COL6A2: variants seen among roughly 807,000 people sequenced by gnomAD.
COL6A2 encodes the protein collagen type VI alpha 2 chain, also known as collagen alpha-2(VI) chain.
Under a neutral mutation model 124.9 loss-of-function variants are expected in COL6A2, and 90 were observed. That is an observed-to-expected ratio of 0.72 (90% confidence interval 0.61 to 0.86). The LOEUF is 0.86. Among genes scored for constraint, COL6A2 ranks in the 40% least tolerant of loss-of-function variants. COL6A2 has a pLI of 0.00. For missense variants in COL6A2, 1,607 were observed against 1,502.5 expected, an observed-to-expected ratio of 1.07 and a Z score of -1.15; for synonymous variants, 793 against 618.2, an observed-to-expected ratio of 1.28 and a Z score of -4.19.
rs773528946 is a variant in COL6A2 at position 46,118,615 on chromosome 21, G to C, written c.1118G>C (p.Gly373Ala). ...GGCTGATTCTGCAAACCCTTCCAGGGGGACCCTGGCCGCCCAGGACGCAGA... is the reference window on the plus strand; with the variant it reads ...GGCTGATTCTGCAAACCCTTCCAGGCGGACCCTGGCCGCCCAGGACGCAGA... ...PGERGDQGGK[G>A]DPGRPGRRGP... The change falls in exon 13 of 28, where the codon GGG becomes GCG. Residue 373 changes from glycine to alanine, a missense_variant and splice_region_variant. Transcript: ENST00000300527. 2.6e-5 allele frequency: 42 copies of C among 1,612,514 alleles called. No homozygotes were observed. Among genetic ancestry groups the C allele is most frequent in the Middle Eastern group, 1.7e-4 (1 of 6,060 alleles).
At chr21:46,113,895 A>G (rs960062716) in intron 4 of COL6A2, 113 bp from the exon 5 acceptor site, 2 of 876,002 alleles carry the variant, frequency 2.3e-6, no homozygotes, top group African/African-American at 1.6e-5. Context: ...AGGGCATTTC[A>G]GCATCTCCTT....
chr21:46,127,873 T>G (rs1435674683), intron 27 of COL6A2, among the ~76,000 whole-genome samples: 1 of 152,066 alleles, frequency 6.6e-6, no homozygotes, highest in Non-Finnish European at 1.5e-5. Flanking sequence ...AGTTGGGAGT[T>G]AGTTAGCCCG....
Position 46,124,884 on chromosome 21 carries a change from G to A in COL6A2, c.1735-1G>A. On this transcript the variant is annotated splice_acceptor_variant, in intron 22 of 27. Coordinates refer to ENST00000300527, the MANE Select transcript of COL6A2 (RefSeq NM_001849.4). LOFTEE classifies it high-confidence loss of function. ...TCTCAGCCTCATCCTTCCTTCCCCA[G>A]GGTGAGCCCGGCCCCCCTGGAGACC... The A allele has an allele frequency of 1.2e-6, 2 of 1,612,896 alleles. No individual in the cohort carries two copies. Among genetic ancestry groups the A allele is most frequent in the Non-Finnish European group, 1.7e-6 (2 of 1,180,000 alleles).
intron 4 of COL6A2, chr21:46,113,783 GAAC>G: frequency 1.6e-6 from 1 of 612,880 alleles, no homozygotes; most frequent in Non-Finnish European, 2.9e-6. Context: ...AACTTGCCTA[GAAC>G]ACCTGACCGA....
At position 46,132,257 on chromosome 21, in the gene COL6A2, T is replaced by C. The variant is rs1294854864; in HGVS notation, c.2765T>C (p.Val922Ala). ...NSFSHVGAGV[V>A]HAINAIVRSP... ...TTCTCGCACGTGGGCGCAGGCGTGG[T>C]GCACGCCATCAATGCCATCGTGCGC... Residue 922 changes from valine (V) to alanine (A), a missense_variant, in exon 28 of 28, where the codon GTG (valine) becomes GCG (alanine). Physicochemically the swap from Val to Ala is moderately conservative, Grantham distance 64 (BLOSUM62 0). Around this residue, in one of 3 missense-constraint regions of COL6A2, gnomAD observed 1,223 missense variants for 1,052.2 expected, o/e 1.16. Transcript: ENST00000300527. The C allele has an allele frequency of 5.6e-6, 9 of 1,605,862 alleles. No individual in the cohort carries two copies. The highest frequency in any genetic ancestry group is 7.6e-6 in the Non-Finnish European group (9 of 1,178,228).
chr21:46,124,541 C>A (rs1019204091), intron 21 of COL6A2, 110 bp from the exon 22 acceptor site: 6 of 923,722 alleles, frequency 6.5e-6, no homozygotes, highest in South Asian at 1.4e-5. Flanking sequence ...CTGTTAGCCC[C>A]CCCCCCCGCC....
chr21:46,100,883 A>C (rs985930374), intron 1 of COL6A2, among the ~76,000 whole-genome samples: 5 of 152,236 alleles, frequency 3.3e-5, no homozygotes, highest in African/African-American at 1.2e-4. Flanking sequence ...TACCTCTTGG[A>C]GATCCCACTT....
At chr21:46,118,265 G>T (rs578076460) in intron 12 of COL6A2, among the ~76,000 whole-genome samples, 1 of 152,104 alleles carries the variant, frequency 6.6e-6, no homozygotes, top group Non-Finnish European at 1.5e-5. Flanking sequence ...CTCCTGGGCC[G>T]CCTGCAGTGT....
chr21:46,120,468 C>T lies in COL6A2; in HGVS notation c.1333-47C>T, dbSNP rs760663746. On this transcript the variant is annotated intron_variant, in intron 15 of 27. Transcript: ENST00000300527. ...CCCGCCTCTCACATGGGACCCAGGC[C>T]GGAGGCCTCAGCTGAGACCCGTGGG... is the stretch of plus-strand genomic sequence containing the variant. 5.6e-5 allele frequency: 83 copies of T among 1,477,464 alleles called. No homozygotes were observed. In the African/African-American group the frequency reaches 9.4e-4, roughly 17 times the overall value. The allele number at this position is 1,477,464 out of a possible 1,614,324, so 91.5% of individuals were successfully genotyped here.
chr21:46,126,368 G>C (rs2078667931), intron 26 of COL6A2, 131 bp downstream of exon 26: 1 of 1,513,954 alleles, frequency 6.6e-7, no homozygotes, highest in African/African-American at 1.4e-5. Flanking sequence ...TGGGTGGGAA[G>C]GGGTCGGGCC....
Position 46,128,989 on chromosome 21 carries a change from C to T in COL6A2, c.2461+2448C>T, listed in dbSNP as rs558129226. 141 of 1,606,072 alleles carry T rather than the reference C, an allele frequency of 8.8e-5. No individual in the cohort carries two copies. The Middle Eastern group carries it at 3.0e-3, about 34-fold the overall frequency. On this transcript the variant is annotated intron_variant, in intron 27 of 27. Coordinates refer to ENST00000300527, the MANE Select transcript of COL6A2 (RefSeq NM_001849.4). Reference sequence around the variant, plus strand: ...TGCCACCGTGCGGGTCTCCTAGCTCCCTGCCAGCTTCCTGTCCCTGTGCTC... The same window carrying T: ...TGCCACCGTGCGGGTCTCCTAGCTCTCTGCCAGCTTCCTGTCCCTGTGCTC...
In COL6A2 at chr21:46,132,357, C is replaced by G. The variant is rs1296735093; in HGVS notation, c.2865C>G (p.Asp955Glu). Residue 955 changes from aspartate (D) to glutamate (E), a missense_variant, in exon 28 of 28, where the codon GAC (aspartate) becomes GAG (glutamate). By Grantham distance (45) the Asp-to-Glu change is conservative (BLOSUM62 2). Around this residue, in one of 3 missense-constraint regions of COL6A2, gnomAD observed 1,223 missense variants for 1,052.2 expected, o/e 1.16. Coordinates refer to ENST00000300527, the MANE Select transcript of COL6A2 (RefSeq NM_001849.4). ...TCACGGACGGCGTCACGGGCAACGACAGTCTGCACGAGTCGGCGCACTCCA... is the reference window on the plus strand; with the variant it reads ...TCACGGACGGCGTCACGGGCAACGAGAGTCTGCACGAGTCGGCGCACTCCA... ...VFLTDGVTGN[D>E]SLHESAHSMR... is the part of the protein sequence containing the mutation. The G allele has an allele frequency of 6.2e-7, 1 of 1,608,966 alleles. No individual in the cohort carries two copies. The highest frequency in any genetic ancestry group is 8.5e-7 in the Non-Finnish European group (1 of 1,179,602).
chr21:46,132,058 G>C lies in COL6A2; in HGVS notation c.2566G>C (p.Val856Leu). 3 of 1,606,306 alleles carry C rather than the reference G, an allele frequency of 1.9e-6. No individual in the cohort carries two copies. The highest frequency in any genetic ancestry group is 2.5e-6 in the Non-Finnish European group (3 of 1,178,598). Reference sequence around the variant, plus strand: ...GAACTTCCACAAGGCCCGGCGCTTCGTGGAGCAGGTGGCGCGGCGGCTGAC... The same window carrying C: ...GAACTTCCACAAGGCCCGGCGCTTCCTGGAGCAGGTGGCGCGGCGGCTGAC... ...EQNFHKARRFVEQVARRLTLA... is the reference protein window; with the variant it reads ...EQNFHKARRFLEQVARRLTLA... Residue 856 changes from valine (V) to leucine (L), a missense_variant, in exon 28 of 28, where the codon GTG becomes CTG. This residue lies in a region of COL6A2 where 1,223 missense variants were observed against 1,052.2 expected (regional missense o/e 1.16). Coordinates refer to ENST00000300527, the MANE Select transcript of COL6A2 (RefSeq NM_001849.4).
intron 1 of COL6A2, among the ~76,000 whole-genome samples, chr21:46,101,487 A>G (rs140779787): frequency 5.9e-5 from 9 of 152,276 alleles, no homozygotes; most frequent in African/African-American, 2.2e-4. Context: ...GTCCCATGTC[A>G]CGAAGGTGTT....
At chr21:46,108,136 G>A (rs926879042) in intron 1 of COL6A2, among the ~76,000 whole-genome samples, 3 of 141,674 alleles carry the variant, frequency 2.1e-5, no homozygotes, top group African/African-American at 7.9e-5. Context: ...AAAAAACTTT[G>A]TTCAGATGAT....
At position 46,100,682 on chromosome 21, in the gene COL6A2, G is replaced by A. The variant is rs890263736; in HGVS notation, c.-28+2509G>A. The stretch of plus-strand genomic sequence containing the variant: ...TCCTTTTGTGACTGGCTTATTTCAC[G>A]TGGCTTAATGTCCTCCAGATTGATC... On this transcript the variant is annotated intron_variant, in intron 1 of 27. Transcript: ENST00000300527. 8.7e-5 allele frequency among the ~76,000 whole-genome samples: 10 copies of A among 114,660 alleles called. No individual in the cohort carries two copies. In the East Asian group the frequency reaches 2.4e-3, roughly 28 times the overall value. The allele number at this position is 114,660 out of a possible 152,430, so 75.2% of individuals were successfully genotyped here.
In COL6A2 at chr21:46,124,066, G is replaced by A. The variant is rs143652069; in HGVS notation, c.1672-585G>A. Among the ~76,000 whole-genome samples, 146 of 151,038 alleles carry A rather than the reference G, an allele frequency of 9.7e-4. 1 individual carries two copies. The highest frequency in any genetic ancestry group is 3.3e-3 in the African/African-American group (137 of 41,034). On this transcript the variant is annotated intron_variant, in intron 21 of 27. Transcript: ENST00000300527. ...TGGGTGGATGGATGAGTGAACGGAT[G>A]GACCGATGGATGAATGGGTGGGTGG...
At chr21:46,119,161 A>T (rs1208364977) in intron 14 of COL6A2, 42 bp downstream of exon 14, 2 of 1,479,882 alleles carry the variant, frequency 1.4e-6, no homozygotes, top group Admixed American at 1.8e-5. Context: ...CGCTCTGGGC[A>T]TCCTCCTTGC....
intron 5 of COL6A2, 149 bp from the exon 6 acceptor site, chr21:46,115,723 T>G: frequency 1.3e-6 from 1 of 748,604 alleles, no homozygotes; most frequent in Non-Finnish European, 2.3e-6. Context: ...GCTGGCCCTT[T>G]GGGGAGCAGC....
Sources: allele counts gnomAD v4.1 joint callset (sites outside exome capture counted in the v4.1 genomes callset), GRCh38; gene constraint gnomAD v4.1.1; regional missense constraint gnomAD v4.1.1; transcripts MANE v1.5; gene names NCBI Gene and HGNC (gene_info 2026-07-23, HGNC 2026-07-21).